The following THADA variants were observed in gnomAD, a reference collection of about 807,000 sequenced individuals.
THADA encodes tRNA (32-2'-O)-methyltransferase regulator THADA.
A neutral mutation model predicts 219.8 loss-of-function variants in THADA; 213 were observed. The ratio of observed to expected loss-of-function variants is 0.97; its 90% confidence interval spans 0.87 to 1.09. THADA has a LOEUF of 1.09. THADA is among the 50% of genes least tolerant of loss of function. The pLI, the probability that THADA is intolerant of heterozygous loss-of-function variation, is 0.00. For synonymous variants in THADA, 1,018 were observed against 828.9 expected, an observed-to-expected ratio of 1.23 and a Z score of -3.92; for missense variants, 2,956 against 2,311.3, an observed-to-expected ratio of 1.28 and a Z score of -5.72.
intron 36 of THADA, among the ~76,000 whole-genome samples, chr2:43,258,470 C>T (rs552659097): frequency 1.1e-4 from 16 of 151,882 alleles, no homozygotes; most frequent in African/African-American, 2.9e-4. Flanking sequence ...TGTGGTGAGC[C>T]GAGATCGTGC....
In THADA at chr2:43,243,171, G is replaced by C. The variant is rs749365357; in HGVS notation, c.5297-10289C>G. Among the ~76,000 whole-genome samples the C allele has an allele frequency of 2.0e-5, 3 of 152,292 alleles. No individual in the cohort carries two copies. In the South Asian group the frequency reaches 6.2e-4, roughly 32 times the overall value. On this transcript the variant is annotated intron_variant, in intron 36 of 37. Coordinates refer to ENST00000405975, the MANE Select transcript of THADA (RefSeq NM_022065.5). The stretch of plus-strand genomic sequence containing the variant: ...CACTATTCCTGGGGTCTCCCTTTCA[G>C]CCAGAGGGGTGGGAAGGGCTTCCTA...
Position 43,285,441 on chromosome 2 carries a change from C to T in THADA, c.5164+1467G>A, listed in dbSNP as rs377067355. 7.2e-5 allele frequency among the ~76,000 whole-genome samples: 11 copies of T among 152,312 alleles called. No homozygotes were observed. In the East Asian group the frequency reaches 1.5e-3, roughly 21 times the overall value. On this transcript the variant is annotated intron_variant, in intron 35 of 37. Transcript: ENST00000405975. ...TGCCACCATGTGAAGAAGGTGTTTGCTTCCCCTTTACCTTCTGCCATAATT... is the reference window on the plus strand; with the variant it reads ...TGCCACCATGTGAAGAAGGTGTTTGTTTCCCCTTTACCTTCTGCCATAATT...
At chr2:43,585,567 G>GATAC (rs1700929737) in intron 7 of THADA, among the ~76,000 whole-genome samples, 1 of 148,132 alleles carries the variant, frequency 6.8e-6, no homozygotes, top group South Asian at 2.1e-4. Context: ...TAGATAGATA[G>GATAC]ATAGATAGAT....
intron 29 of THADA, among the ~76,000 whole-genome samples, chr2:43,348,718 C>T (rs1667922134): frequency 6.6e-6 from 1 of 152,070 alleles, no homozygotes; most frequent in South Asian, 2.1e-4. Context: ...AGCTGGTGAA[C>T]AAGGGGCATC....
At chr2:43,474,531 C>T (rs1316147315) in intron 26 of THADA, among the ~76,000 whole-genome samples, 1 of 152,152 alleles carries the variant, frequency 6.6e-6, no homozygotes, top group Non-Finnish European at 1.5e-5. Context: ...GTACTCAGAT[C>T]CTTGAACCTT....
chr2:43,329,528 T>A (rs568701958), intron 30 of THADA, among the ~76,000 whole-genome samples: 1 of 152,238 alleles, frequency 6.6e-6, no homozygotes, highest in Non-Finnish European at 1.5e-5. Flanking sequence ...CATCTTATTA[T>A]ATTAAAAGTT....
At chr2:43,410,005 A>C (rs562703210) in intron 28 of THADA, among the ~76,000 whole-genome samples, 1 of 151,816 alleles carries the variant, frequency 6.6e-6, no homozygotes, top group South Asian at 2.1e-4. Context: ...TGTCAGATCA[A>C]GATCTCATCT....
intron 22 of THADA, among the ~76,000 whole-genome samples, chr2:43,523,751 A>T (rs1304328660): frequency 2.0e-5 from 3 of 152,260 alleles, no homozygotes; most frequent in African/African-American, 7.2e-5. Flanking sequence ...GAAAATGATT[A>T]TAATTACTGC....
At chr2:43,271,703 C>T (rs531394094) in intron 36 of THADA, among the ~76,000 whole-genome samples, 3 of 151,302 alleles carry the variant, frequency 2.0e-5, no homozygotes, top group East Asian at 1.9e-4. Context: ...CAACCTCCAC[C>T]TCCTGGGTTC....
chr2:43,291,985 G>C, intron 33 of THADA, 119 bp downstream of exon 33: 1 of 783,808 alleles, frequency 1.3e-6, no homozygotes, highest in Non-Finnish European at 2.0e-6. Flanking sequence ...TTAGGCTGAG[G>C]TTTAGAATGA....
intron 17 of THADA, among the ~76,000 whole-genome samples, chr2:43,552,662 G>GA (rs200775994): frequency 0.012 from 1,877 of 151,216 alleles, 40 homozygotes; most frequent in African/African-American, 0.041. Context: ...AATTAAAAAA[G>GA]AAAAAAAAGA....
intron 29 of THADA, among the ~76,000 whole-genome samples, chr2:43,394,956 C>T (rs1271759207): frequency 6.6e-6 from 1 of 152,210 alleles, no homozygotes; most frequent in Non-Finnish European, 1.5e-5. Context: ...AACCTTTCCA[C>T]AGGATTTCAC....
intron 13 of THADA, among the ~76,000 whole-genome samples, chr2:43,571,191 G>A (rs1380174109): frequency 6.6e-6 from 1 of 152,132 alleles, no homozygotes; most frequent in East Asian, 1.9e-4. Context: ...GGGAGGTTGA[G>A]GGTACAGTGA....
intron 26 of THADA, among the ~76,000 whole-genome samples, chr2:43,453,620 G>C (rs538137815): frequency 6.6e-6 from 1 of 152,272 alleles, no homozygotes; most frequent in South Asian, 2.1e-4. Flanking sequence ...CCTGTTTTTG[G>C]TTTTCTCACA....
At chr2:43,233,593 A>T (rs1667693090) in intron 36 of THADA, among the ~76,000 whole-genome samples, 1 of 151,990 alleles carries the variant, frequency 6.6e-6, no homozygotes, top group African/African-American at 2.4e-5. Context: ...TCTGTCTCGG[A>T]GTTTTTTGTT....
At chr2:43,374,256 C>T (rs1053974221) in intron 29 of THADA, among the ~76,000 whole-genome samples, 2 of 152,144 alleles carry the variant, frequency 1.3e-5, no homozygotes, top group African/African-American at 4.8e-5. Context: ...CACAAAAGAT[C>T]TTTACAAATA....
rs375301380 is a variant in THADA at position 43,570,394 on chromosome 2, C to T, written c.2181G>A (p.Gln727=). Residue 727 remains glutamine (Q), a synonymous_variant, in exon 14 of 38, where the codon CAG becomes CAA. Coordinates refer to ENST00000405975, the MANE Select transcript of THADA (RefSeq NM_022065.5). ...TTAGAAATATATCACCTACCTTATA[C>T]TGCTGTAAAGAAACAGAAGGGTGCT... ...TKQHPSVSLQ[Q]YKNFMSSICN... 17 of 1,610,136 alleles carry T rather than the reference C, an allele frequency of 1.1e-5. No homozygotes were observed. The African/African-American group carries it at 2.3e-4, about 22-fold the overall frequency.
At chr2:43,444,081 G>A (rs373505114) in intron 26 of THADA, among the ~76,000 whole-genome samples, 2 of 152,224 alleles carry the variant, frequency 1.3e-5, no homozygotes, top group African/African-American at 2.4e-5. Context: ...AGCACTATAT[G>A]GTTATTGAGG....
At chr2:43,578,440 C>G in intron 9 of THADA, 73 bp downstream of exon 9, 1 of 1,292,970 alleles carries the variant, frequency 7.7e-7, no homozygotes, top group Non-Finnish European at 1.1e-6. Context: ...AGCCACTGCA[C>G]CAAGCCAAAA....
Sources: gnomAD v4.1 joint callset for allele counts (sites outside exome capture counted in the v4.1 genomes callset) on GRCh38, gnomAD v4.1.1 for gene constraint, MANE v1.5 for transcripts, NCBI Gene and HGNC (gene_info 2026-07-23, HGNC 2026-07-21) for gene names.